The following PKNOX2 variants were observed in gnomAD, a reference collection of about 807,000 sequenced individuals.
PKNOX2 encodes PBX/knotted 1 homeobox 2.
Under a neutral mutation model 53.1 loss-of-function variants are expected in PKNOX2, and 14 were observed. The ratio of observed to expected loss-of-function variants is 0.26; its 90% CI spans 0.17 to 0.41. PKNOX2 has a LOEUF of 0.41. PKNOX2 is among the 10% of genes least tolerant of loss of function. PKNOX2 has a pLI of 1.00. For missense variants in PKNOX2, 496 were observed against 602.8 expected (o/e 0.82, Z 1.85); for synonymous variants, 257 against 242.8 (o/e 1.06, Z -0.54).
At position 125,207,793 on chromosome 11, in the gene PKNOX2, G is replaced by T. The variant is rs112343421; in HGVS notation, c.-200-27252G>T. ...TGGGAATAAGCATGTCGGGGGCATGGCTGGCTGTGCCAAATGACTCTTGAA... is the reference window on the plus strand; with the variant it reads ...TGGGAATAAGCATGTCGGGGGCATGTCTGGCTGTGCCAAATGACTCTTGAA... On this transcript the variant is annotated intron_variant, in intron 1 of 12. Coordinates refer to ENST00000298282, the MANE Select transcript of PKNOX2 (RefSeq NM_001382323.2). 5.9e-3 allele frequency among the ~76,000 whole-genome samples: 901 copies of T among 152,170 alleles called. 15 individuals carry two copies. Among genetic ancestry groups the T allele is most frequent in the African/African-American group, 0.021 (878 of 41,552 alleles).
At chr11:125,263,017 G>A (rs1334236522) in intron 2 of PKNOX2, among the ~76,000 whole-genome samples, 1 of 152,188 alleles carries the variant, frequency 6.6e-6, no homozygotes, top group African/African-American at 2.4e-5. Context: ...TCTGTAGTGT[G>A]TGCTGAATTG....
intron 1 of PKNOX2, among the ~76,000 whole-genome samples, chr11:125,233,288 G>A (rs900244049): frequency 1.3e-5 from 2 of 152,226 alleles, no homozygotes; most frequent in African/African-American, 4.8e-5. Context: ...CAGACAGACA[G>A]TCCCACAGGG....
intron 2 of PKNOX2, among the ~76,000 whole-genome samples, chr11:125,321,920 G>T (rs113423549): frequency 1.3e-5 from 2 of 152,182 alleles, no homozygotes; most frequent in East Asian, 1.9e-4. Flanking sequence ...CCTCACACAG[G>T]GGGTGGGCAA....
At chr11:125,207,088 G>C (rs1939212099) in intron 1 of PKNOX2, among the ~76,000 whole-genome samples, 1 of 151,896 alleles carries the variant, frequency 6.6e-6, no homozygotes. Flanking sequence ...AGGGACTCCA[G>C]GGAGACTTCC....
intron 4 of PKNOX2, among the ~76,000 whole-genome samples, chr11:125,366,273 C>T (rs1417245439): frequency 6.6e-6 from 1 of 152,298 alleles, no homozygotes; most frequent in Non-Finnish European, 1.5e-5. Context: ...GATGCTATGT[C>T]TAGCCTCTTA....
chr11:125,224,641 A>G (rs550888226), intron 1 of PKNOX2, among the ~76,000 whole-genome samples: 54 of 152,350 alleles, frequency 3.5e-4, no homozygotes, highest in African/African-American at 1.3e-3. Context: ...AACAATTGGA[A>G]ACAAATGCTC....
chr11:125,181,241 A>C (rs1956142211), intron 1 of PKNOX2, among the ~76,000 whole-genome samples: 1 of 152,248 alleles, frequency 6.6e-6, no homozygotes, highest in Non-Finnish European at 1.5e-5. Context: ...GCCAGGATTT[A>C]AACCCAGGTG....
intron 7 of PKNOX2, among the ~76,000 whole-genome samples, chr11:125,402,164 C>T (rs778661795): frequency 6.6e-6 from 1 of 152,086 alleles, no homozygotes. Flanking sequence ...GTAAGGGAGA[C>T]TGTTCTACCA....
intron 5 of PKNOX2, among the ~76,000 whole-genome samples, chr11:125,371,352 C>T (rs1299639482): frequency 6.6e-6 from 1 of 152,078 alleles, no homozygotes; most frequent in Non-Finnish European, 1.5e-5. Context: ...TTCTCTCCTC[C>T]CCCAGCCCCC....
intron 2 of PKNOX2, among the ~76,000 whole-genome samples, chr11:125,246,430 A>T (rs1379287692): frequency 6.6e-6 from 1 of 152,190 alleles, no homozygotes; most frequent in Non-Finnish European, 1.5e-5. Flanking sequence ...AAATTTCAAC[A>T]TGAGTTTTGG....
chr11:125,341,757 G>T (rs1350027725), intron 3 of PKNOX2, among the ~76,000 whole-genome samples: 1 of 152,382 alleles, frequency 6.6e-6, no homozygotes, highest in East Asian at 1.9e-4. Flanking sequence ...AAGAAACACA[G>T]CAAAAGGCAC....
At chr11:125,193,641 T>G (rs1203923559) in intron 1 of PKNOX2, among the ~76,000 whole-genome samples, 1 of 152,204 alleles carries the variant, frequency 6.6e-6, no homozygotes, top group Non-Finnish European at 1.5e-5. Flanking sequence ...GACCCCACCC[T>G]GCCTCAAACC....
chr11:125,251,368 GAAGATGA>G (rs1943980467), intron 2 of PKNOX2, among the ~76,000 whole-genome samples: 1 of 152,154 alleles, frequency 6.6e-6, no homozygotes, highest in South Asian at 2.1e-4. Context: ...GTGTCTCCTG[GAAGATGA>G]GAGTCTCACT....
At chr11:125,284,868 C>T (rs1946799013) in intron 2 of PKNOX2, among the ~76,000 whole-genome samples, 1 of 152,124 alleles carries the variant, frequency 6.6e-6, no homozygotes, top group Admixed American at 6.5e-5. Context: ...TTCTTGATTT[C>T]TGGCTGTTTC....
intron 2 of PKNOX2, among the ~76,000 whole-genome samples, chr11:125,312,319 T>C (rs1480915613): frequency 1.3e-5 from 2 of 152,134 alleles, no homozygotes; most frequent in Non-Finnish European, 2.9e-5. Flanking sequence ...AAAAAATGCC[T>C]GGTGGAGGGG....
intron 2 of PKNOX2, among the ~76,000 whole-genome samples, chr11:125,305,653 G>C (rs926135668): frequency 1.3e-5 from 2 of 152,280 alleles, no homozygotes; most frequent in Non-Finnish European, 2.9e-5. Context: ...CAGGTGTCTT[G>C]CATGGTCAGG....
At position 125,350,870 on chromosome 11, in the gene PKNOX2, G is replaced by A. The variant is rs966965000; in HGVS notation, c.-22-414G>A. ...TGCTCCAGAAAGCCTGGGAAACAGC[G>A]GGGCCAGGAGCACCCTTATCAGGCT... On this transcript the variant is annotated intron_variant, in intron 3 of 12. Coordinates refer to ENST00000298282, the MANE Select transcript of PKNOX2 (RefSeq NM_001382323.2). 5.7e-4 allele frequency among the ~76,000 whole-genome samples: 87 copies of A among 152,188 alleles called. 1 individual carries two copies. Among genetic ancestry groups the A allele is most frequent in the African/African-American group, 2.0e-3 (81 of 41,532 alleles).
intron 2 of PKNOX2, among the ~76,000 whole-genome samples, chr11:125,287,468 C>G (rs1291493410): frequency 1.3e-5 from 2 of 152,220 alleles, no homozygotes; most frequent in Non-Finnish European, 2.9e-5. Flanking sequence ...CTCTAAGGCC[C>G]TTATGGAAAC....
intron 2 of PKNOX2, among the ~76,000 whole-genome samples, chr11:125,284,272 C>T (rs1946760896): frequency 6.6e-6 from 1 of 152,228 alleles, no homozygotes; most frequent in Admixed American, 6.5e-5. Flanking sequence ...GGCTGTCCCA[C>T]TAGGGCAGTA....
Sources: allele counts gnomAD v4.1 joint callset (sites outside exome capture counted in the v4.1 genomes callset), GRCh38; gene constraint gnomAD v4.1.1; transcripts MANE v1.5; gene names NCBI Gene and HGNC (gene_info 2026-07-23, HGNC 2026-07-21).